KLHL13: variants seen among roughly 807,000 people sequenced by gnomAD.
KLHL13 encodes the protein kelch-like protein 13.
A neutral mutation model predicts 37.1 loss-of-function variants in KLHL13; 10 were observed. The ratio of observed to expected loss-of-function variants is 0.27; its 90% CI spans 0.17 to 0.46. KLHL13 has a LOEUF of 0.46. Ranked by LOEUF, KLHL13 falls within the 20% of genes least tolerant of loss-of-function variation. The pLI, the probability that KLHL13 is intolerant of heterozygous loss-of-function variation, is 1.00. For missense variants in KLHL13, 360 were observed against 509.3 expected, an observed-to-expected ratio of 0.71 and a Z score of 2.82; for synonymous variants, 163 against 181.2, an observed-to-expected ratio of 0.90 and a Z score of 0.81.
intron 4 of KLHL13, among the ~76,000 whole-genome samples, chrX:117,916,386 C>G (rs368843139): frequency 4.5e-5 from 5 of 112,011 alleles, no homozygotes; most frequent in East Asian, 5.6e-4. Flanking sequence ...CTTCTGTATT[C>G]ATTTCATTGT....
At chrX:117,935,621 C>G (rs1209444981) in intron 2 of KLHL13, among the ~76,000 whole-genome samples, 2 of 111,362 alleles carry the variant, frequency 1.8e-5, no homozygotes, top group African/African-American at 3.3e-5. Context: ...ATGGTGAGAA[C>G]AGGAGGAAGA....
chrX:117,972,982 T>G, exon 1 of KLHL13: 1 of 1,073,954 alleles, frequency 9.3e-7, no homozygotes, highest in East Asian at 3.4e-5. Context: ...GCTTCCAATC[T>G]GTAAAATAGG....
chrX:118,004,368 C>A (rs2053958340), intron 1 of KLHL13, among the ~76,000 whole-genome samples: 1 of 111,856 alleles, frequency 8.9e-6, no homozygotes, highest in South Asian at 3.7e-4. Context: ...TCCTAGCAAA[C>A]AGATTTTGGT....
At chrX:118,107,129 A>G (rs1470196526) in intron 1 of KLHL13, among the ~76,000 whole-genome samples, 1 of 112,301 alleles carries the variant, frequency 8.9e-6, no homozygotes, top group Admixed American at 9.5e-5. Context: ...AAAAGATAAC[A>G]TTGTTCATAG....
chrX:118,043,597 C>G (rs1303047333), intron 1 of KLHL13, among the ~76,000 whole-genome samples: 1 of 111,715 alleles, frequency 9.0e-6, no homozygotes, highest in Non-Finnish European at 1.9e-5. Context: ...ATAAATCAAT[C>G]AATGTGGTAT....
At chrX:118,111,630 C>T (rs1472529815) in intron 1 of KLHL13, among the ~76,000 whole-genome samples, 1 of 112,444 alleles carries the variant, frequency 8.9e-6, no homozygotes, top group African/African-American at 3.2e-5. Flanking sequence ...CAGTGGCTCA[C>T]GCCTGTAATC....
At chrX:117,958,146 G>GC (rs1181654940) in intron 1 of KLHL13, among the ~76,000 whole-genome samples, 2 of 110,897 alleles carry the variant, frequency 1.8e-5, no homozygotes, top group Non-Finnish European at 3.8e-5. Context: ...ATACACAATA[G>GC]CCCCCATTAT....
intron 1 of KLHL13, among the ~76,000 whole-genome samples, chrX:118,043,556 G>T (rs1212060159): frequency 9.0e-6 from 1 of 111,663 alleles, no homozygotes; most frequent in East Asian, 2.8e-4. Flanking sequence ...AATGGGTTTT[G>T]CCCCAGGGAT....
At chrX:117,932,889 T>C (rs1453683281) in intron 2 of KLHL13, among the ~76,000 whole-genome samples, 1 of 111,807 alleles carries the variant, frequency 8.9e-6, no homozygotes, top group African/African-American at 3.2e-5. Flanking sequence ...TATTTTGCCT[T>C]TTTTATAATA....
At chrX:117,948,855 G>A (rs1197261518) in intron 1 of KLHL13, among the ~76,000 whole-genome samples, 5 of 111,871 alleles carry the variant, frequency 4.5e-5, no homozygotes, top group Non-Finnish European at 9.4e-5. Context: ...TATTAGCTTA[G>A]AGATGGAGGC....
intron 1 of KLHL13, among the ~76,000 whole-genome samples, chrX:118,036,764 A>G (rs376093791): frequency 3.6e-5 from 4 of 110,869 alleles, no homozygotes; most frequent in East Asian, 5.6e-4. Flanking sequence ...CAACTAAAGA[A>G]CTTCTGCACA....
chrX:118,092,739 A>G (rs2055152217), intron 1 of KLHL13, among the ~76,000 whole-genome samples: 1 of 111,251 alleles, frequency 9.0e-6, no homozygotes, highest in Non-Finnish European at 1.9e-5. Flanking sequence ...AGGTGGTTAC[A>G]TGAATCCATA....
intron 1 of KLHL13, among the ~76,000 whole-genome samples, chrX:118,015,488 T>C (rs2054118053): frequency 9.0e-6 from 1 of 111,121 alleles, no homozygotes. Context: ...GTCTTTAGTA[T>C]GTAGGCAAGG....
chrX:117,899,464 G>T, intron 6 of KLHL13, 69 bp from the exon 8 acceptor site: 3 of 958,818 alleles, frequency 3.1e-6, no homozygotes, highest in Non-Finnish European at 4.3e-6. Context: ...AAGGAGCTCT[G>T]TCACAGATAA....
intron 1 of KLHL13, among the ~76,000 whole-genome samples, chrX:117,957,871 C>T (rs1602594473): frequency 9.0e-6 from 1 of 111,389 alleles, no homozygotes; most frequent in African/African-American, 3.3e-5. Context: ...GAACAGCATG[C>T]AAAAATAAGT....
chrX:118,104,048 TAAAAAAAAAAA>T (rs60645250), intron 1 of KLHL13, among the ~76,000 whole-genome samples: 1 of 42,562 alleles, frequency 2.3e-5, no homozygotes, highest in African/African-American at 8.9e-5. Context: ...TCATTTCCAC[TAAAAAAAAAAA>T]AAAAAAAAAA....
chrX:118,028,359 CCTG>C (rs2054296595), intron 1 of KLHL13, 62 bp downstream of exon 2: 2 of 646,347 alleles, frequency 3.1e-6, no homozygotes, highest in Admixed American at 2.7e-5. Flanking sequence ...TTATTGAATG[CCTG>C]CTATGTTAGG....
At chrX:117,899,190 A>G (rs947271124) in exon 7 of KLHL13, 2 of 1,209,786 alleles carry the variant, frequency 1.7e-6, no homozygotes, top group African/African-American at 3.5e-5. Context: ...GGTCAAGGAT[A>G]GGTGAATAGT....
intron 1 of KLHL13, among the ~76,000 whole-genome samples, chrX:118,058,045 A>G (rs1466710311): frequency 9.0e-6 from 1 of 111,400 alleles, no homozygotes; most frequent in Non-Finnish European, 1.9e-5. Flanking sequence ...TTTAGAAAAC[A>G]TGAAGTTATC....
Sources: allele counts gnomAD v4.1 joint callset (sites outside exome capture counted in the v4.1 genomes callset), GRCh38; gene constraint gnomAD v4.1.1; transcripts MANE v1.5; gene names NCBI Gene and HGNC (gene_info 2026-07-23, HGNC 2026-07-21).